The following AUTS2 variants were observed in gnomAD, a reference collection of about 807,000 sequenced individuals.
AUTS2 encodes activator of transcription and developmental regulator AUTS2, also known as autism susceptibility gene 2 protein.
A neutral mutation model predicts 112.4 loss-of-function variants in AUTS2; 17 were observed. The observed-to-expected ratio is 0.15, with a 90% confidence interval of 0.10 to 0.23. The LOEUF (loss-of-function observed/expected upper bound fraction) is 0.23. Among genes scored for constraint, AUTS2 ranks in the 10% least tolerant of loss-of-function variants. AUTS2 has a pLI of 1.00. For synonymous variants in AUTS2, 751 were observed against 702.7 expected, an observed-to-expected ratio of 1.07 and a Z score of -1.09; for missense variants, 1,510 against 1,701.6, an observed-to-expected ratio of 0.89 and a Z score of 1.98.
At chr7:70,738,452 A>G (rs1445741125) in intron 6 of AUTS2, among the ~76,000 whole-genome samples, 1 of 151,256 alleles carries the variant, frequency 6.6e-6, no homozygotes, top group African/African-American at 2.4e-5. Flanking sequence ...ACATATGACA[A>G]ATGTGTATAA....
chr7:69,878,471 C>T (rs1021697081), intron 1 of AUTS2, among the ~76,000 whole-genome samples: 3 of 152,130 alleles, frequency 2.0e-5, no homozygotes, highest in Non-Finnish European at 2.9e-5. Context: ...TGGAAAACGC[C>T]TCCTTGTTTC....
intron 4 of AUTS2, among the ~76,000 whole-genome samples, chr7:70,209,879 T>C (rs374079501): frequency 1.6e-4 from 25 of 152,202 alleles, no homozygotes; most frequent in Non-Finnish European, 2.8e-4. Context: ...AACTAATGTT[T>C]AGCTTCTTTC....
chr7:70,529,315 C>T (rs528398333), intron 5 of AUTS2, among the ~76,000 whole-genome samples: 15 of 152,272 alleles, frequency 9.9e-5, no homozygotes, highest in Admixed American at 5.2e-4. Flanking sequence ...CTACAAAGCC[C>T]CTTCATAAAT....
At chr7:69,782,090 C>T (rs1030331034) in intron 1 of AUTS2, among the ~76,000 whole-genome samples, 4 of 152,128 alleles carry the variant, frequency 2.6e-5, no homozygotes, top group Non-Finnish European at 5.9e-5. Context: ...ATCTTCTTCG[C>T]GGCCCGGCTC....
At chr7:70,635,896 C>G (rs1287039760) in intron 5 of AUTS2, among the ~76,000 whole-genome samples, 1 of 152,142 alleles carries the variant, frequency 6.6e-6, no homozygotes, top group Non-Finnish European at 1.5e-5. Context: ...CAGGCACTTT[C>G]AGCCAATTAG....
chr7:70,511,899 G>A (rs1799211844), intron 5 of AUTS2, among the ~76,000 whole-genome samples: 2 of 152,034 alleles, frequency 1.3e-5, no homozygotes, highest in African/African-American at 4.8e-5. Context: ...ATTTTTAAGT[G>A]TTCCCACTTT....
At chr7:69,784,167 C>T (rs1235365972) in intron 1 of AUTS2, among the ~76,000 whole-genome samples, 5 of 152,102 alleles carry the variant, frequency 3.3e-5, no homozygotes, top group African/African-American at 4.8e-5. Context: ...CAGGCTGCTT[C>T]GTCAGGCTAT....
chr7:70,263,719 C>T (rs561729552), intron 4 of AUTS2, among the ~76,000 whole-genome samples: 1 of 152,286 alleles, frequency 6.6e-6, no homozygotes, highest in Admixed American at 6.5e-5. Flanking sequence ...TAACAAAAAT[C>T]CCCCAAGGTT....
intron 4 of AUTS2, among the ~76,000 whole-genome samples, chr7:70,283,397 A>C (rs2129610857): frequency 6.6e-6 from 1 of 152,326 alleles, no homozygotes; most frequent in Middle Eastern, 3.4e-3. Context: ...ACATTATTTT[A>C]TGTACCTCTA....
Position 70,274,558 on chromosome 7 carries a change from TG to T in AUTS2, c.660+139991del, listed in dbSNP as rs775360372. Among the ~76,000 whole-genome samples the T allele has an allele frequency of 3.3e-5, 5 of 152,264 alleles. No individual in the cohort carries two copies. The South Asian group carries it at 1.0e-3, about 32-fold the overall frequency. On this transcript the variant is annotated intron_variant, in intron 4 of 18. Transcript: ENST00000342771. ...TGCCTGCCTCAGCCTCCCAAAGGGC[TG>T]GGGTTACAGGAATAAGACACTGTGC...
chr7:70,232,275 G>C (rs1232658614), intron 4 of AUTS2, among the ~76,000 whole-genome samples: 1 of 152,070 alleles, frequency 6.6e-6, no homozygotes, highest in Non-Finnish European at 1.5e-5. Context: ...GGACATTTGG[G>C]TTATTTCCAG....
intron 5 of AUTS2, among the ~76,000 whole-genome samples, chr7:70,463,623 C>T (rs1490165170): frequency 2.0e-5 from 3 of 152,204 alleles, no homozygotes; most frequent in Non-Finnish European, 4.4e-5. Flanking sequence ...CTTTTGAGGT[C>T]ATGGAAATGG....
At chr7:70,146,454 C>T (rs1378175848) in intron 4 of AUTS2, among the ~76,000 whole-genome samples, 1 of 152,088 alleles carries the variant, frequency 6.6e-6, no homozygotes, top group African/African-American at 2.4e-5. Flanking sequence ...TCACTACATA[C>T]TTGAATTAAG....
chr7:70,450,094 C>G (rs887401817), intron 5 of AUTS2, among the ~76,000 whole-genome samples: 4 of 152,192 alleles, frequency 2.6e-5, no homozygotes, highest in African/African-American at 9.6e-5. Context: ...AGTGATGTTC[C>G]TAAGACTAGA....
At chr7:69,825,837 G>T (rs542774190) in intron 1 of AUTS2, 1 of 152,324 alleles carries the variant, frequency 6.6e-6, no homozygotes, top group East Asian at 1.9e-4. Flanking sequence ...CCTTGGTTAA[G>T]ATCAGCAGAG....
chr7:70,354,836 G>A (rs1401967750), intron 4 of AUTS2, among the ~76,000 whole-genome samples: 1 of 152,190 alleles, frequency 6.6e-6, no homozygotes, highest in East Asian at 1.9e-4. Flanking sequence ...GATGCATTGA[G>A]TTACAGGAAA....
At chr7:69,773,989 A>AT (rs1236085514) in intron 1 of AUTS2, among the ~76,000 whole-genome samples, 1 of 152,134 alleles carries the variant, frequency 6.6e-6, no homozygotes, top group African/African-American at 2.4e-5. Flanking sequence ...CTTCTACCTC[A>AT]TTGTCTGCAG....
intron 1 of AUTS2, among the ~76,000 whole-genome samples, chr7:69,799,831 T>C (rs752003057): frequency 6.6e-6 from 1 of 152,154 alleles, no homozygotes; most frequent in Non-Finnish European, 1.5e-5. Context: ...TTTTTATTTC[T>C]GAGCTTTTCC....
At chr7:70,344,460 T>C (rs1188523503) in intron 4 of AUTS2, among the ~76,000 whole-genome samples, 1 of 152,164 alleles carries the variant, frequency 6.6e-6, no homozygotes, top group Non-Finnish European at 1.5e-5. Flanking sequence ...CTTACCTCTT[T>C]GCTAAGTCCC....
Sources: gnomAD v4.1 joint callset for allele counts (sites outside exome capture counted in the v4.1 genomes callset) on GRCh38, gnomAD v4.1.1 for gene constraint, MANE v1.5 for transcripts, NCBI Gene and HGNC (gene_info 2026-07-23, HGNC 2026-07-21) for gene names.